POU2F1: variants seen among roughly 807,000 people sequenced by gnomAD.
POU2F1 encodes the protein POU class 2 homeobox 1.
Under a neutral mutation model 84.9 loss-of-function variants are expected in POU2F1, and 16 were observed. The ratio of observed to expected loss-of-function variants is 0.19; its 90% confidence interval spans 0.13 to 0.29. The LOEUF (loss-of-function observed/expected upper bound fraction) is 0.29. POU2F1 is among the 10% of genes least tolerant of loss of function. POU2F1 has a pLI of 1.00. For synonymous variants in POU2F1, 368 were observed against 368.3 expected (o/e 1.00, Z 0.01); for missense variants, 738 against 942.6 (o/e 0.78, Z 2.84).
chr1:167,221,822 C>T (rs1323521217), intron 1 of POU2F1, among the ~76,000 whole-genome samples: 2 of 151,910 alleles, frequency 1.3e-5, no homozygotes, highest in African/African-American at 2.4e-5. Flanking sequence ...CTGCGTGCCC[C>T]CCCTGGGGGG....
chr1:167,236,409 C>G (rs7537259), intron 1 of POU2F1, among the ~76,000 whole-genome samples: 1 of 152,126 alleles, frequency 6.6e-6, no homozygotes, highest in East Asian at 1.9e-4. Flanking sequence ...CCGACATCTT[C>G]TTATTAAATT....
chr1:167,345,357 T>C (rs1360307565), intron 2 of POU2F1, among the ~76,000 whole-genome samples: 1 of 151,962 alleles, frequency 6.6e-6, no homozygotes, highest in Non-Finnish European at 1.5e-5. Flanking sequence ...AGTTTTCAGG[T>C]AGAAGGGAAT....
chr1:167,330,370 T>G (rs1000156282), intron 1 of POU2F1, among the ~76,000 whole-genome samples: 1 of 152,138 alleles, frequency 6.6e-6, no homozygotes, highest in Non-Finnish European at 1.5e-5. Flanking sequence ...TAGCAGTATC[T>G]GCCCAGCACA....
chr1:167,405,122 G>A (rs1649479575), intron 13 of POU2F1, among the ~76,000 whole-genome samples: 2 of 152,158 alleles, frequency 1.3e-5, no homozygotes, highest in South Asian at 4.2e-4. Context: ...GTGTTCCATT[G>A]TGTCTCAAAA....
chr1:167,222,961 T>A (rs370355525), intron 1 of POU2F1, among the ~76,000 whole-genome samples: 1 of 152,180 alleles, frequency 6.6e-6, no homozygotes, highest in African/African-American at 2.4e-5. Context: ...ACTGACACTT[T>A]TTTTTTCCTC....
chr1:167,377,972 C>G (rs1476007060), intron 7 of POU2F1, among the ~76,000 whole-genome samples: 1 of 152,070 alleles, frequency 6.6e-6, no homozygotes. Flanking sequence ...TAGGTTGATT[C>G]CATGTCTTTG....
chr1:167,300,715 G>T (rs779130368), intron 1 of POU2F1, among the ~76,000 whole-genome samples: 6 of 151,870 alleles, frequency 4.0e-5, no homozygotes, highest in Non-Finnish European at 7.4e-5. Context: ...CGCCCACCTC[G>T]GCCTCCCAAA....
At chr1:167,392,434 T>A (rs1648490247) in intron 9 of POU2F1, among the ~76,000 whole-genome samples, 1 of 152,016 alleles carries the variant, frequency 6.6e-6, no homozygotes, top group African/African-American at 2.4e-5. Flanking sequence ...GAAATAAGTA[T>A]AAGGTTAGCA....
At chr1:167,271,870 C>T (rs1365672585) in intron 1 of POU2F1, among the ~76,000 whole-genome samples, 2 of 152,144 alleles carry the variant, frequency 1.3e-5, no homozygotes. Flanking sequence ...ATGATTTCTA[C>T]ATTTTTTTGT....
chr1:167,234,621 C>T (rs1227117680), intron 1 of POU2F1, among the ~76,000 whole-genome samples: 1 of 152,156 alleles, frequency 6.6e-6, no homozygotes, highest in Non-Finnish European at 1.5e-5. Flanking sequence ...ATAGTCCTAA[C>T]TATTCTGGAT....
At chr1:167,379,070 G>A (rs1473068658) in intron 7 of POU2F1, 1 of 151,482 alleles carries the variant, frequency 6.6e-6, no homozygotes, top group Non-Finnish European at 1.5e-5. Context: ...AGTACAGTGT[G>A]TACTACCTCA....
intron 2 of POU2F1, among the ~76,000 whole-genome samples, chr1:167,349,365 G>T (rs887101894): frequency 3.3e-5 from 5 of 152,038 alleles, no homozygotes; most frequent in Admixed American, 1.3e-4. Flanking sequence ...ATTCATAAAT[G>T]CATTACTTGT....
At chr1:167,221,278 G>T (rs937861074) in intron 1 of POU2F1, among the ~76,000 whole-genome samples, 2 of 151,240 alleles carry the variant, frequency 1.3e-5, no homozygotes, top group Non-Finnish European at 3.0e-5. Flanking sequence ...CGCCGCTGCC[G>T]CCTCCTCGCC....
At chr1:167,240,388 A>G (rs1649812149) in intron 1 of POU2F1, among the ~76,000 whole-genome samples, 1 of 152,262 alleles carries the variant, frequency 6.6e-6, no homozygotes. Context: ...AATATTAGAA[A>G]AAAGAGTAAG....
Position 167,275,322 on chromosome 1 carries a change from G to T in POU2F1, c.61+54364G>T, listed in dbSNP as rs565298686. 2.0e-4 allele frequency among the ~76,000 whole-genome samples: 31 copies of T among 152,044 alleles called. No homozygotes were observed. In the South Asian group the frequency reaches 6.0e-3, roughly 30 times the overall value. Reference sequence around the variant, plus strand: ...ATTACAGGTGTGAGCCACTGTGCCCGGCTGTAATAATTATTGATAATAGAA... The same window carrying T: ...ATTACAGGTGTGAGCCACTGTGCCCTGCTGTAATAATTATTGATAATAGAA... On this transcript the variant is annotated intron_variant, in intron 1 of 15. Coordinates refer to ENST00000367866, the MANE Select transcript of POU2F1 (RefSeq NM_002697.4).
intron 2 of POU2F1, chr1:167,337,989 T>C: frequency 1.0e-5 from 4 of 385,588 alleles, no homozygotes; most frequent in Non-Finnish European, 1.5e-5. Flanking sequence ...TTTTATGATA[T>C]GGGCACTGAA....
chr1:167,365,643 T>G, intron 3 of POU2F1, 76 bp downstream of exon 3: 1 of 1,054,002 alleles, frequency 9.5e-7, no homozygotes, highest in Non-Finnish European at 1.4e-6. Flanking sequence ...GGAAGTTATT[T>G]CAGAATGTGG....
In POU2F1 at chr1:167,370,212, C is replaced by G; in HGVS notation, c.280C>G (p.Gln94Glu). ...GGCTGCTGCTCAGTCTTTAAATGTA[C>G]AGGTAAGCTGGGACCTGGGATTATG... ...LQAAAQSLNV[Q>E]SKSNEESGDS... Residue 94 changes from glutamine to glutamate, a missense_variant and splice_region_variant, in exon 4 of 16, where the codon CAG (glutamine) becomes GAG (glutamate). This residue lies in a region of POU2F1 where 161 missense variants were observed against 147.0 expected (regional missense o/e 1.10). Transcript: ENST00000367866. 1 of 1,600,824 alleles carries G rather than the reference C, an allele frequency of 6.2e-7. No homozygotes were observed. Among genetic ancestry groups the G allele is most frequent in the Non-Finnish European group, 8.5e-7 (1 of 1,171,134 alleles).
At chr1:167,408,761 A>G (rs1487178571) in intron 13 of POU2F1, among the ~76,000 whole-genome samples, 1 of 152,198 alleles carries the variant, frequency 6.6e-6, no homozygotes, top group Non-Finnish European at 1.5e-5. Flanking sequence ...GATTGTGATG[A>G]TGGTTGTATA....
Sources: gnomAD v4.1 joint callset for allele counts (sites outside exome capture counted in the v4.1 genomes callset) on GRCh38, gnomAD v4.1.1 for gene constraint, gnomAD v4.1.1 regional missense constraint, MANE v1.5 for transcripts, NCBI Gene and HGNC (gene_info 2026-07-23, HGNC 2026-07-21) for gene names.